The following CCDC91 variants were observed in gnomAD, a reference collection of about 807,000 sequenced individuals.
The protein encoded by CCDC91 is coiled-coil domain containing 91.
Under a neutral mutation model 63.2 loss-of-function variants are expected in CCDC91, and 48 were observed. That is an observed-to-expected ratio of 0.76 (90% CI 0.60 to 0.97). The LOEUF (loss-of-function observed/expected upper bound fraction) is 0.97, where lower values mean the gene tolerates loss of function less well. Among genes scored for constraint, CCDC91 ranks in the 50% least tolerant of loss-of-function variants. CCDC91 has a pLI of 0.00. For synonymous variants in CCDC91, 167 were observed against 165.8 expected (o/e 1.01, Z -0.06); for missense variants, 500 against 494.6 (o/e 1.01, Z -0.10).
chr12:28,246,029 A>G (rs1316757208), intron 1 of CCDC91, among the ~76,000 whole-genome samples: 1 of 152,156 alleles, frequency 6.6e-6, no homozygotes, highest in African/African-American at 2.4e-5. Context: ...TTGATAGGAA[A>G]GTGGCTGAAT....
At chr12:28,533,171 A>G (rs1366626171) in intron 12 of CCDC91, among the ~76,000 whole-genome samples, 1 of 152,122 alleles carries the variant, frequency 6.6e-6, no homozygotes, top group Admixed American at 6.6e-5. Flanking sequence ...TGCTTAATTT[A>G]TAAGCAAAGC....
At chr12:28,400,543 A>G (rs1414604328) in intron 8 of CCDC91, among the ~76,000 whole-genome samples, 1 of 152,112 alleles carries the variant, frequency 6.6e-6, no homozygotes, top group Non-Finnish European at 1.5e-5. Context: ...TCCTTAGAAA[A>G]TGGGTTTTTC....
At chr12:28,377,362 A>C (rs1200083225) in intron 7 of CCDC91, among the ~76,000 whole-genome samples, 7 of 151,858 alleles carry the variant, frequency 4.6e-5, no homozygotes, top group Non-Finnish European at 7.4e-5. Context: ...AAAAGTGTTG[A>C]AACATTATCG....
chr12:28,191,453 T>G (rs970838480), intron 1 of CCDC91: 6 of 152,274 alleles, frequency 3.9e-5, no homozygotes, highest in African/African-American at 1.4e-4. Flanking sequence ...CGGCCCCTTA[T>G]GAATTCTGAC....
intron 1 of CCDC91, among the ~76,000 whole-genome samples, chr12:28,225,474 G>C (rs918322240): frequency 1.3e-5 from 2 of 151,466 alleles, no homozygotes. Flanking sequence ...TTTTGAGACA[G>C]AGTTTCACTC....
At chr12:28,394,405 G>A (rs1946150848) in intron 8 of CCDC91, among the ~76,000 whole-genome samples, 1 of 151,994 alleles carries the variant, frequency 6.6e-6, no homozygotes, top group South Asian at 2.1e-4. Context: ...GGTGGAGCTT[G>A]CAGTGACCCG....
chr12:28,225,138 G>A (rs1944189048), intron 1 of CCDC91, among the ~76,000 whole-genome samples: 1 of 152,092 alleles, frequency 6.6e-6, no homozygotes, highest in Admixed American at 6.6e-5. Context: ...AGTTTAAAGT[G>A]TAAGATACAA....
At chr12:28,296,775 T>C (rs1949588730) in intron 3 of CCDC91, among the ~76,000 whole-genome samples, 1 of 151,998 alleles carries the variant, frequency 6.6e-6, no homozygotes, top group African/African-American at 2.4e-5. Flanking sequence ...GTTTCAAATT[T>C]TTTTTAGTAA....
chr12:28,467,826 A>T (rs1950618518), intron 11 of CCDC91, among the ~76,000 whole-genome samples: 2 of 152,064 alleles, frequency 1.3e-5, no homozygotes, highest in South Asian at 4.1e-4. Flanking sequence ...AACTACACAT[A>T]TACATGAAAA....
chr12:28,267,972 A>T (rs180888270), intron 3 of CCDC91, among the ~76,000 whole-genome samples: 11,061 of 107,774 alleles, frequency 0.1, 819 homozygotes, highest in Non-Finnish European at 0.14. Flanking sequence ...TATATAATTA[A>T]TATATACCCA....
chr12:28,397,158 A>T (rs1946342442), intron 8 of CCDC91, among the ~76,000 whole-genome samples: 1 of 152,196 alleles, frequency 6.6e-6, no homozygotes. Flanking sequence ...CATTTTGCAA[A>T]GAGAGAGTTG....
intron 12 of CCDC91, among the ~76,000 whole-genome samples, chr12:28,528,766 G>T (rs1941492761): frequency 6.6e-6 from 1 of 152,098 alleles, no homozygotes; most frequent in Non-Finnish European, 1.5e-5. Flanking sequence ...TTTAGAGACA[G>T]TGTCTTGCCC....
chr12:28,197,356 G>T (rs951078351), intron 1 of CCDC91, among the ~76,000 whole-genome samples: 2 of 152,080 alleles, frequency 1.3e-5, no homozygotes, highest in Non-Finnish European at 2.9e-5. Context: ...TGTTTCCACT[G>T]ATCTATACAG....
chr12:28,198,014 T>C (rs1941917983), intron 1 of CCDC91, among the ~76,000 whole-genome samples: 1 of 152,192 alleles, frequency 6.6e-6, no homozygotes, highest in African/African-American at 2.4e-5. Flanking sequence ...AGCTCTGTTA[T>C]AATTCTGGTA....
At chr12:28,434,980 C>G (rs1948828452) in intron 8 of CCDC91, among the ~76,000 whole-genome samples, 1 of 151,504 alleles carries the variant, frequency 6.6e-6, no homozygotes, top group Admixed American at 6.6e-5. Flanking sequence ...CAATGATATC[C>G]TCTCTTTTAC....
chr12:28,500,867 C>T (rs1937739941), intron 12 of CCDC91, among the ~76,000 whole-genome samples: 1 of 151,636 alleles, frequency 6.6e-6, no homozygotes, highest in African/African-American at 2.4e-5. Context: ...TATTTTTATA[C>T]TCAATCTGTT....
intron 8 of CCDC91, among the ~76,000 whole-genome samples, chr12:28,408,595 A>G (rs1232048145): frequency 6.6e-6 from 1 of 152,090 alleles, no homozygotes; most frequent in African/African-American, 2.4e-5. Context: ...TCTTCTTTTG[A>G]GAAGTGTCTG....
At chr12:28,455,979 T>A (rs1592723601) in intron 11 of CCDC91, among the ~76,000 whole-genome samples, 2 of 152,244 alleles carry the variant, frequency 1.3e-5, no homozygotes, top group Admixed American at 1.3e-4. Flanking sequence ...TCAGGCAGTT[T>A]AACTCCTGAG....
intron 1 of CCDC91, among the ~76,000 whole-genome samples, chr12:28,216,075 A>G (rs1473011717): frequency 2.6e-5 from 4 of 152,126 alleles, no homozygotes; most frequent in Non-Finnish European, 5.9e-5. Flanking sequence ...AAGAAGGAGT[A>G]ATCATGAAGA....
Sources: allele counts gnomAD v4.1 joint callset (sites outside exome capture counted in the v4.1 genomes callset), GRCh38; gene constraint gnomAD v4.1.1; transcripts MANE v1.5; gene names NCBI Gene and HGNC (gene_info 2026-07-23, HGNC 2026-07-21).